The following PLPPR1 variants were observed in gnomAD, a reference collection of about 807,000 sequenced individuals.
PLPPR1 encodes the protein phospholipid phosphatase-related protein type 1.
PLPPR1 carries 10 observed loss-of-function variants against 33.1 expected under a neutral mutation model. That is an observed-to-expected ratio of 0.30 (90% confidence interval 0.19 to 0.51). The LOEUF is 0.51. Ranked by LOEUF, PLPPR1 falls within the 20% of genes least tolerant of loss-of-function variation. The pLI is 0.97. For synonymous variants in PLPPR1, 151 were observed against 151.0 expected (o/e 1.00, Z 0.00); for missense variants, 304 against 408.1 (o/e 0.74, Z 2.20).
At chr9:101,310,239 A>G (rs1462225168) in intron 5 of PLPPR1, among the ~76,000 whole-genome samples, 1 of 152,210 alleles carries the variant, frequency 6.6e-6, no homozygotes, top group African/African-American at 2.4e-5. Flanking sequence ...CTTAGGACCC[A>G]GAATATAGAC....
intron 4 of PLPPR1, among the ~76,000 whole-genome samples, chr9:101,292,629 G>A (rs143762396): frequency 0.017 from 2,524 of 151,928 alleles, 35 homozygotes; most frequent in Non-Finnish European, 0.026. Context: ...AGAGTTGGGC[G>A]GGGCGGGGGG....
At chr9:101,128,343 C>A (rs1831272060) in intron 1 of PLPPR1, among the ~76,000 whole-genome samples, 1 of 152,090 alleles carries the variant, frequency 6.6e-6, no homozygotes, top group Non-Finnish European at 1.5e-5. Flanking sequence ...GAAGTTATTT[C>A]TTTAAAAGGA....
intron 4 of PLPPR1, among the ~76,000 whole-genome samples, chr9:101,305,106 G>C (rs558146679): frequency 2.0e-4 from 31 of 152,264 alleles, no homozygotes; most frequent in Middle Eastern, 3.4e-3. Context: ...TCAGGGGCCT[G>C]ATAGTATGAA....
chr9:101,235,577 T>C (rs183004821), intron 2 of PLPPR1, among the ~76,000 whole-genome samples: 52 of 152,016 alleles, frequency 3.4e-4, no homozygotes, highest in Admixed American at 3.3e-3. Context: ...GACATGTGAA[T>C]TTTTTCCAAG....
intron 2 of PLPPR1, among the ~76,000 whole-genome samples, chr9:101,198,113 C>T (rs1431934996): frequency 1.3e-5 from 2 of 151,720 alleles, no homozygotes; most frequent in African/African-American, 4.8e-5. Flanking sequence ...AATAGTTTTC[C>T]TTATCTTCAG....
chr9:101,298,813 A>T (rs1828694470), intron 4 of PLPPR1, among the ~76,000 whole-genome samples: 1 of 152,214 alleles, frequency 6.6e-6, no homozygotes, highest in African/African-American at 2.4e-5. Flanking sequence ...TTAGAAGATA[A>T]GTAGTACAGA....
chr9:101,078,099 A>G (rs1830563008), intron 1 of PLPPR1, among the ~76,000 whole-genome samples: 1 of 48,812 alleles, frequency 2.0e-5, no homozygotes, highest in Non-Finnish European at 3.9e-5. Flanking sequence ...GGAGAAGGAG[A>G]AGGAGAAGAA....
intron 1 of PLPPR1, among the ~76,000 whole-genome samples, chr9:101,116,938 T>C (rs1284928278): frequency 6.6e-6 from 1 of 152,156 alleles, no homozygotes; most frequent in Non-Finnish European, 1.5e-5. Context: ...GCCCTCAACA[T>C]ACTGATGCTT....
At chr9:101,101,427 T>G (rs912776485) in intron 1 of PLPPR1, among the ~76,000 whole-genome samples, 6 of 152,158 alleles carry the variant, frequency 3.9e-5, no homozygotes, top group Non-Finnish European at 7.4e-5. Context: ...TTACTGTATG[T>G]CACCTTTTGG....
In PLPPR1 at chr9:101,032,765, A is replaced by T. The variant is rs571762321; in HGVS notation, c.-46+3663A>T. Among the ~76,000 whole-genome samples the T allele has an allele frequency of 4.6e-5, 7 of 152,352 alleles. No individual in the cohort carries two copies. In the South Asian group the frequency reaches 6.2e-4, roughly 14 times the overall value. On this transcript the variant is annotated intron_variant, in intron 1 of 7. Coordinates refer to ENST00000374874, the MANE Select transcript of PLPPR1 (RefSeq NM_207299.2). ...AGTGTTAAAATGTGCCAAGGAGGCC[A>T]CAAATCAAAACAAAAAACATATTTT... is the stretch of plus-strand genomic sequence containing the variant.
intron 1 of PLPPR1, among the ~76,000 whole-genome samples, chr9:101,173,757 C>T (rs138109968): frequency 1.2e-3 from 189 of 152,202 alleles, no homozygotes; most frequent in African/African-American, 4.3e-3. Flanking sequence ...TTTTTTCTCT[C>T]TCCCCTTGAA....
intron 1 of PLPPR1, among the ~76,000 whole-genome samples, chr9:101,099,331 G>A (rs910695526): frequency 1.3e-5 from 2 of 152,106 alleles, no homozygotes; most frequent in East Asian, 1.9e-4. Context: ...ATCCTGTGAT[G>A]AGCCACTTGG....
intron 4 of PLPPR1, among the ~76,000 whole-genome samples, chr9:101,302,268 GTTA>G (rs1828767660): frequency 6.6e-6 from 1 of 152,122 alleles, no homozygotes; most frequent in South Asian, 2.1e-4. Context: ...ATTAGCTATT[GTTA>G]TTATTACCTG....
intron 1 of PLPPR1, among the ~76,000 whole-genome samples, chr9:101,113,834 G>A (rs1310292497): frequency 6.6e-6 from 1 of 152,020 alleles, no homozygotes. Context: ...GAAGCTCTGT[G>A]GTTCTTTTGG....
Position 101,099,586 on chromosome 9 carries a change from A to G in PLPPR1, c.-46+70484A>G, listed in dbSNP as rs544741142. ...CAGGTACAGACTTTTTTCCCTTTGC[A>G]TCATTCCCTAGACAATACGATATGA... On this transcript the variant is annotated intron_variant, in intron 1 of 7. Coordinates refer to ENST00000374874, the MANE Select transcript of PLPPR1 (RefSeq NM_207299.2). Among the ~76,000 whole-genome samples, 101 of 152,264 alleles carry G rather than the reference A, an allele frequency of 6.6e-4. No individual in the cohort carries two copies. The South Asian group carries it at 0.013, about 19-fold the overall frequency.
chr9:101,077,409 TG>T (rs933969312), intron 1 of PLPPR1, among the ~76,000 whole-genome samples: 30 of 152,242 alleles, frequency 2.0e-4, no homozygotes, highest in Admixed American at 2.6e-4. Flanking sequence ...TTGTTTTCTT[TG>T]TTTTCTTTTT....
intron 2 of PLPPR1, among the ~76,000 whole-genome samples, chr9:101,202,605 T>C (rs1460552812): frequency 6.6e-6 from 1 of 152,142 alleles, no homozygotes; most frequent in Non-Finnish European, 1.5e-5. Flanking sequence ...TGGGTGGTAA[T>C]CCCAGAAAGT....
intron 2 of PLPPR1, among the ~76,000 whole-genome samples, chr9:101,252,554 T>C (rs1487732880): frequency 6.6e-6 from 1 of 152,174 alleles, no homozygotes; most frequent in Non-Finnish European, 1.5e-5. Flanking sequence ...TATCCATTAA[T>C]TTTTAAAGGA....
rs1176860090 is a variant in PLPPR1, at chr9:101,316,870, G to C, written c.814-495G>C. On this transcript the variant is annotated intron_variant, in intron 6 of 7. Transcript: ENST00000374874. ...CTTTTTAAGGGGCAAAATAGTATAG[G>C]GATATGATTTAAGGGCTCTGGAGTT... is the stretch of plus-strand genomic sequence containing the variant. 2.6e-5 allele frequency among the ~76,000 whole-genome samples: 4 copies of C among 152,056 alleles called. No homozygotes were observed. The East Asian group carries it at 7.7e-4, about 29-fold the overall frequency.
Sources: gnomAD v4.1 joint callset for allele counts (sites outside exome capture counted in the v4.1 genomes callset) on GRCh38, gnomAD v4.1.1 for gene constraint, MANE v1.5 for transcripts, NCBI Gene and HGNC (gene_info 2026-07-23, HGNC 2026-07-21) for gene names.